Variants in MARCHF1 observed in about 807,000 individuals in gnomAD.
MARCHF1 encodes E3 ubiquitin-protein ligase MARCHF1.
In MARCHF1, 40 loss-of-function variants were observed where a neutral mutation model predicts 54.2. The ratio of observed to expected loss-of-function variants is 0.74; its 90% CI spans 0.57 to 0.96. The LOEUF (loss-of-function observed/expected upper bound fraction) is 0.96, where lower values mean the gene tolerates loss of function less well. Ranked by LOEUF, MARCHF1 falls within the 40% of genes least tolerant of loss-of-function variation. The pLI is 0.00. For missense variants in MARCHF1, 586 were observed against 656.5 expected (o/e 0.89, Z 1.17); for synonymous variants, 236 against 236.3 (o/e 1.00, Z 0.01).
chr4:164,034,530 G>A (rs1164087587), intron 2 of MARCHF1, among the ~76,000 whole-genome samples: 1 of 152,070 alleles, frequency 6.6e-6, no homozygotes, highest in African/African-American at 2.4e-5. Context: ...CTGAATTGGA[G>A]CATTTATGAT....
chr4:163,543,338 T>G (rs879743524), intron 9 of MARCHF1, among the ~76,000 whole-genome samples: 2 of 149,334 alleles, frequency 1.3e-5, no homozygotes, highest in Non-Finnish European at 3.0e-5. Flanking sequence ...CGAGACAGAG[T>G]GAATAGGATT....
At chr4:163,831,524 G>A (rs955619846) in intron 4 of MARCHF1, among the ~76,000 whole-genome samples, 1 of 152,130 alleles carries the variant, frequency 6.6e-6, no homozygotes, top group Non-Finnish European at 1.5e-5. Context: ...CCAGGAGTTG[G>A]TGGCTGCAGT....
At chr4:163,857,804 G>A (rs889980606) in intron 3 of MARCHF1, among the ~76,000 whole-genome samples, 5 of 152,152 alleles carry the variant, frequency 3.3e-5, no homozygotes, top group Admixed American at 1.3e-4. Context: ...TCCAGACACC[G>A]TGCTTGCAAC....
Position 164,341,351 on chromosome 4 carries a change from A to C in MARCHF1, c.-323+42519T>G, listed in dbSNP as rs149727322. ...TTCTTCTAAGATCAGGAATGAGACA[A>C]GAATGTCCCCTCTACCACTTCTATT... On this transcript the variant is annotated intron_variant, in intron 1 of 9. Transcript: ENST00000514618. Among the ~76,000 whole-genome samples the C allele has an allele frequency of 3.6e-3, 543 of 152,290 alleles. 5 individuals are homozygous for C. The highest frequency in any genetic ancestry group is 0.013 in the African/African-American group (521 of 41,580).
intron 9 of MARCHF1, among the ~76,000 whole-genome samples, chr4:163,544,296 A>G (rs1738819059): frequency 6.6e-6 from 1 of 152,256 alleles, no homozygotes; most frequent in Admixed American, 6.5e-5. Context: ...GTAGTTTGAT[A>G]TTAATGGTAT....
chr4:163,854,713 A>G (rs983917631), intron 3 of MARCHF1, among the ~76,000 whole-genome samples: 2 of 152,198 alleles, frequency 1.3e-5, no homozygotes, highest in African/African-American at 4.8e-5. Context: ...TAAATTAAGT[A>G]TATGACATCT....
chr4:163,822,764 C>T (rs943882080), intron 4 of MARCHF1, among the ~76,000 whole-genome samples: 1 of 151,726 alleles, frequency 6.6e-6, no homozygotes, highest in Admixed American at 6.6e-5. Flanking sequence ...TTGAAGTGTA[C>T]AATCAATTTA....
chr4:164,268,607 A>C (rs1242473588), intron 1 of MARCHF1, among the ~76,000 whole-genome samples: 1 of 152,108 alleles, frequency 6.6e-6, no homozygotes, highest in African/African-American at 2.4e-5. Context: ...CTGCTTTTCT[A>C]ATATCTATTC....
intron 2 of MARCHF1, among the ~76,000 whole-genome samples, chr4:164,043,889 GA>G (rs1176215125): frequency 6.6e-6 from 1 of 152,068 alleles, no homozygotes; most frequent in Admixed American, 6.6e-5. Flanking sequence ...ATCATCTCTT[GA>G]GTTCAAAGTT....
intron 3 of MARCHF1, among the ~76,000 whole-genome samples, chr4:163,892,258 A>G (rs995818409): frequency 1.3e-5 from 2 of 152,170 alleles, no homozygotes; most frequent in African/African-American, 2.4e-5. Context: ...AATTATATTT[A>G]TGTATCATTT....
At chr4:163,851,055 C>T (rs1019639747) in intron 4 of MARCHF1, among the ~76,000 whole-genome samples, 1 of 152,044 alleles carries the variant, frequency 6.6e-6, no homozygotes. Flanking sequence ...GGGAATTGTA[C>T]TAAAACCCCA....
chr4:163,968,715 A>T (rs1181303860), intron 3 of MARCHF1, among the ~76,000 whole-genome samples: 1 of 152,102 alleles, frequency 6.6e-6, no homozygotes, highest in Non-Finnish European at 1.5e-5. Context: ...GTAGATGCAG[A>T]CACCCATATC....
At chr4:163,874,878 T>A (rs1172478995) in intron 3 of MARCHF1, among the ~76,000 whole-genome samples, 1 of 152,178 alleles carries the variant, frequency 6.6e-6, no homozygotes, top group East Asian at 1.9e-4. Context: ...TGGGATATTT[T>A]GTCCTCTTTT....
At chr4:163,601,760 T>G (rs577278568) in intron 7 of MARCHF1, among the ~76,000 whole-genome samples, 1 of 152,220 alleles carries the variant, frequency 6.6e-6, no homozygotes, top group East Asian at 1.9e-4. Flanking sequence ...TTAATTTTTT[T>G]TTAAGCAAGG....
At chr4:163,943,343 C>T (rs1560829704) in intron 3 of MARCHF1, among the ~76,000 whole-genome samples, 1 of 152,170 alleles carries the variant, frequency 6.6e-6, no homozygotes, top group Non-Finnish European at 1.5e-5. Flanking sequence ...AGTTTTTAAT[C>T]TATCTTGAGT....
At chr4:164,363,766 C>CATGTGTGTGTGTGT (rs1554004696) in intron 1 of MARCHF1, among the ~76,000 whole-genome samples, 4 of 150,206 alleles carry the variant, frequency 2.7e-5, no homozygotes, top group Middle Eastern at 3.5e-3. Flanking sequence ...ATTAATAAGC[C>CATGTGTGTGTGTGT]GTGTGTGTGT....
intron 4 of MARCHF1, among the ~76,000 whole-genome samples, chr4:163,817,247 T>A (rs1163472065): frequency 6.6e-6 from 1 of 152,082 alleles, no homozygotes; most frequent in Non-Finnish European, 1.5e-5. Context: ...TCAGCTCTGT[T>A]TGCTGTCCTA....
chr4:164,212,745 G>GA (rs1731812842), intron 1 of MARCHF1, among the ~76,000 whole-genome samples: 1 of 152,040 alleles, frequency 6.6e-6, no homozygotes, highest in Non-Finnish European at 1.5e-5. Context: ...CTCCAAGGTT[G>GA]GTTGAATCCA....
rs180964689 is a variant in MARCHF1, at chr4:164,085,609, T to A, written c.-248+25979A>T. 2.0e-3 allele frequency among the ~76,000 whole-genome samples: 299 copies of A among 151,978 alleles called. 1 individual carries two copies. The highest frequency in any genetic ancestry group is 7.0e-3 in the African/African-American group (292 of 41,554). ...GGCATTTCATTTGCCAAATACTCAC[T>A]GACATTAAGGCACAGACTGGAGAAA... On this transcript the variant is annotated intron_variant, in intron 2 of 9. Transcript: ENST00000514618.
Sources: allele counts gnomAD v4.1 joint callset (sites outside exome capture counted in the v4.1 genomes callset), GRCh38; gene constraint gnomAD v4.1.1; transcripts MANE v1.5; gene names NCBI Gene and HGNC (gene_info 2026-07-23, HGNC 2026-07-21).